The following PPP4R3A variants were observed in gnomAD, a reference collection of about 807,000 sequenced individuals.
PPP4R3A encodes the protein protein phosphatase 4 regulatory subunit 3A.
A neutral mutation model predicts 91.7 loss-of-function variants in PPP4R3A; 15 were observed. The ratio of observed to expected loss-of-function variants is 0.16; its 90% confidence interval spans 0.11 to 0.25. The LOEUF is 0.25. PPP4R3A is among the 10% of genes least tolerant of loss of function. The pLI, the probability that PPP4R3A is intolerant of heterozygous loss-of-function variation, is 1.00. For synonymous variants in PPP4R3A, 377 were observed against 348.7 expected (o/e 1.08, Z -0.91); for missense variants, 623 against 998.4 (o/e 0.62, Z 5.07).
rs180777778 is a variant in PPP4R3A, at chr14:91,491,506, C to A, written c.143-704G>T. 4.7e-4 allele frequency among the ~76,000 whole-genome samples: 71 copies of A among 152,250 alleles called. 1 individual carries two copies. In the East Asian group the frequency reaches 0.013, roughly 27 times the overall value. On this transcript the variant is annotated intron_variant, in intron 1 of 14. Transcript: ENST00000554943. ...CACTGCAACCTCCGCCTCCCAAGTT[C>A]AAGCGATTCTCCTGCCTCAGCCTCC...
rs954837645 is a variant in PPP4R3A at position 91,510,003 on chromosome 14, C to T, written c.-356G>A. 3.1e-6 allele frequency: 3 copies of T among 972,258 alleles called. No homozygotes were observed. Among genetic ancestry groups the T allele is most frequent in the Non-Finnish European group, 3.7e-6 (3 of 813,810 alleles). 60.2% of individuals were successfully genotyped at this position (972,258 alleles called of 1,614,324 possible). On this transcript the variant is annotated 5_prime_UTR_variant, in exon 1 of 15. Coordinates refer to ENST00000554943, the MANE Select transcript of PPP4R3A (RefSeq NM_001366432.2). Reference sequence around the variant, plus strand: ...GCTCCCGCCTCCGCCATGATCTCCGCGAAGCAGCTTCCCGCGCCGCCGCCG... The same window carrying T: ...GCTCCCGCCTCCGCCATGATCTCCGTGAAGCAGCTTCCCGCGCCGCCGCCG...
rs1318199258 is a variant in PPP4R3A at position 91,465,220 on chromosome 14, GA to G, written c.1830+29del. The G allele has an allele frequency of 2.1e-6, 3 of 1,429,620 alleles. No individual in the cohort carries two copies. In the African/African-American group the frequency reaches 4.4e-5, roughly 21 times the overall value. The allele number at this position is 1,429,620 out of a possible 1,614,324, so 88.6% of individuals were successfully genotyped here. A position where few individuals can be genotyped will look rare whatever the true frequency, so the allele number is the denominator to read the frequency against. ...TTCAATTTTCTCAAACAATTAAAAT[GA>G]AAATTCTAATTAAAAATACAGAACC... On this transcript the variant is annotated intron_variant, in intron 11 of 14. Coordinates refer to ENST00000554943, the MANE Select transcript of PPP4R3A (RefSeq NM_001366432.2).
chr14:91,477,267 T>G (rs1889271505), intron 4 of PPP4R3A, among the ~76,000 whole-genome samples: 1 of 152,138 alleles, frequency 6.6e-6, no homozygotes, highest in African/African-American at 2.4e-5. Flanking sequence ...CCTGCTCCAG[T>G]AATATGAAAG....
At chr14:91,461,827 CT>C in intron 13 of PPP4R3A, 1 of 890,112 alleles carries the variant, frequency 1.1e-6, no homozygotes, top group East Asian at 2.7e-5. Flanking sequence ...TTTAGTATCC[CT>C]ACCCTTCCTG....
Position 91,462,756 on chromosome 14 carries a change from T to C in PPP4R3A, c.1952A>G (p.Gln651Arg). 2 of 1,613,804 alleles carry C rather than the reference T, an allele frequency of 1.2e-6. No individual in the cohort carries two copies. Among genetic ancestry groups the C allele is most frequent in the Non-Finnish European group, 1.7e-6 (2 of 1,179,844 alleles). ...KLRFEQQRER[Q>R]DNPKLDSMRS... ...TTACCTGTCAAGTTTGGGATTATCT[T>C]GCCTTTCTCTTTGTTGTTCAAATCT... is the stretch of plus-strand genomic sequence containing the variant. The change falls in exon 12 of 15, where the codon CAA (glutamine) becomes CGA (arginine). Residue 651 changes from glutamine (Q) to arginine (R), a missense_variant. Gln to Arg is a conservative substitution (Grantham distance 43, BLOSUM62 1). Around this residue, in one of 5 missense-constraint regions of PPP4R3A, gnomAD observed 201 missense variants for 229.9 expected, o/e 0.87. Coordinates refer to ENST00000554943, the MANE Select transcript of PPP4R3A (RefSeq NM_001366432.2).
At position 91,458,343 on chromosome 14, in the gene PPP4R3A, G is replaced by T; in HGVS notation, c.*416C>A. ...TTAAAGGCAGGTCTCTTTATACAAA[G>T]AAACTGCTGGCATTCTTGACTAGTG... On this transcript the variant is annotated 3_prime_UTR_variant, in exon 15 of 15. Coordinates refer to ENST00000554943, the MANE Select transcript of PPP4R3A (RefSeq NM_001366432.2). 1 of 235,890 alleles carries T rather than the reference G, an allele frequency of 4.2e-6. No homozygotes were observed. The highest frequency in any genetic ancestry group is 8.5e-6 in the Non-Finnish European group (1 of 117,816). 14.6% of individuals were successfully genotyped at this position (235,890 alleles called of 1,614,324 possible).
intron 10 of PPP4R3A, among the ~76,000 whole-genome samples, chr14:91,470,415 G>T (rs1477432341): frequency 6.6e-6 from 1 of 152,098 alleles, no homozygotes; most frequent in East Asian, 1.9e-4. Flanking sequence ...ACATATTTTA[G>T]GCTTTGTGGG....
At chr14:91,499,951 G>A (rs1004066118) in intron 1 of PPP4R3A, among the ~76,000 whole-genome samples, 4 of 152,040 alleles carry the variant, frequency 2.6e-5, no homozygotes, top group Non-Finnish European at 5.9e-5. Flanking sequence ...CTACACCTCT[G>A]GGGATTGGAG....
intron 4 of PPP4R3A, among the ~76,000 whole-genome samples, chr14:91,479,614 G>A (rs1199830665): frequency 6.6e-6 from 1 of 151,978 alleles, no homozygotes; most frequent in African/African-American, 2.4e-5. Context: ...TGTGATCTCA[G>A]CTCACTGCAA....
intron 1 of PPP4R3A, among the ~76,000 whole-genome samples, chr14:91,499,528 C>T (rs1225174004): frequency 1.3e-5 from 2 of 151,816 alleles, no homozygotes; most frequent in African/African-American, 4.8e-5. Flanking sequence ...AGAACATCAC[C>T]AAGACAACTG....
intron 11 of PPP4R3A, among the ~76,000 whole-genome samples, chr14:91,463,809 G>T (rs541143525): frequency 3.9e-5 from 6 of 152,002 alleles, no homozygotes; most frequent in Non-Finnish European, 7.4e-5. Context: ...TTTGTTATAC[G>T]GGTAAACTGC....
At chr14:91,486,017 G>C (rs530183850) in intron 2 of PPP4R3A, among the ~76,000 whole-genome samples, 33 of 152,090 alleles carry the variant, frequency 2.2e-4, no homozygotes, top group African/African-American at 7.5e-4. Flanking sequence ...TTATACCAAC[G>C]CTATCCGAGC....
chr14:91,491,159 G>A (rs987172472), intron 1 of PPP4R3A, among the ~76,000 whole-genome samples: 3 of 151,658 alleles, frequency 2.0e-5, no homozygotes, highest in South Asian at 2.1e-4. Context: ...CACCAGCCTC[G>A]GCCTCCCAAG....
intron 11 of PPP4R3A, among the ~76,000 whole-genome samples, chr14:91,464,763 T>A (rs139319725): frequency 5.2e-4 from 79 of 152,362 alleles, no homozygotes; most frequent in African/African-American, 1.7e-3. Context: ...TTTCTTAAAA[T>A]GATTACTGTG....
intron 2 of PPP4R3A, among the ~76,000 whole-genome samples, chr14:91,487,404 G>A (rs554439707): frequency 5.3e-5 from 8 of 152,102 alleles, no homozygotes; most frequent in African/African-American, 1.9e-4. Flanking sequence ...AATGGTACTA[G>A]GGAGAGTTAC....
rs757046745 is a variant in PPP4R3A, at chr14:91,469,032, A to AAATCT, written c.1660+1800_1660+1804dup. ...GTACACCAGATATAAGATAGTAATC[A>AAATCT]AATCTAAGATGCCACTGACTAAGCT... On this transcript the variant is annotated intron_variant, in intron 10 of 14. Transcript: ENST00000554943. Among the ~76,000 whole-genome samples, 58 of 151,958 alleles carry AAATCT rather than the reference A, an allele frequency of 3.8e-4. 1 individual carries two copies. In the South Asian group the frequency reaches 6.6e-3, roughly 17 times the overall value.
At chr14:91,510,381 C>T (rs969651822), upstream of PPP4R3A, 2 of 152,568 alleles carry the variant, frequency 1.3e-5, no homozygotes, top group African/African-American at 4.8e-5. Flanking sequence ...GCAGCGAGAC[C>T]GGGAGCCTTA....
Position 91,509,959 on chromosome 14 carries a change from G to C in PPP4R3A, c.-312C>G. 9.8e-7 allele frequency: 1 copy of C among 1,017,322 alleles called. No homozygotes were observed. The highest frequency in any genetic ancestry group is 1.2e-6 in the Non-Finnish European group (1 of 851,458). 63.0% of individuals were successfully genotyped at this position (1,017,322 alleles called of 1,614,324 possible). On this transcript the variant is annotated 5_prime_UTR_variant, in exon 1 of 15. Coordinates refer to ENST00000554943, the MANE Select transcript of PPP4R3A (RefSeq NM_001366432.2). ...CCCGCCCCGCAGCGCTAGGAACTCG[G>C]GGCTCCCGTCACTGCCCTGCTCCCG...
chr14:91,491,200 C>A (rs1230920641), intron 1 of PPP4R3A, among the ~76,000 whole-genome samples: 1 of 151,904 alleles, frequency 6.6e-6, no homozygotes, highest in Non-Finnish European at 1.5e-5. Context: ...AGCCACTGCG[C>A]CTGGCCTCAA....
Sources: allele counts gnomAD v4.1 joint callset (sites outside exome capture counted in the v4.1 genomes callset), GRCh38; gene constraint gnomAD v4.1.1; regional missense constraint gnomAD v4.1.1; transcripts MANE v1.5; gene names NCBI Gene and HGNC (gene_info 2026-07-23, HGNC 2026-07-21).